Variants in PCNX1 observed in about 807,000 individuals in gnomAD.
PCNX1 encodes pecanex-like protein 1.
Under a neutral mutation model 242.2 loss-of-function variants are expected in PCNX1, and 78 were observed. The ratio of observed to expected loss-of-function variants is 0.32; its 90% confidence interval spans 0.27 to 0.39. PCNX1 has a LOEUF of 0.39. PCNX1 is among the 10% of genes least tolerant of loss of function. The pLI is 1.00. For missense variants in PCNX1, 2,581 were observed against 2,856.5 expected (o/e 0.90, Z 2.20); for synonymous variants, 1,024 against 1,032.9 (o/e 0.99, Z 0.17).
chr14:71,017,016 G>A (rs755424189), intron 11 of PCNX1, among the ~76,000 whole-genome samples: 2 of 152,048 alleles, frequency 1.3e-5, no homozygotes, highest in Admixed American at 6.6e-5. Flanking sequence ...GAGGAAAGAC[G>A]TAGATTACCA....
intron 13 of PCNX1, among the ~76,000 whole-genome samples, chr14:71,025,793 C>G (rs1023951963): frequency 1.3e-5 from 2 of 150,428 alleles, no homozygotes; most frequent in East Asian, 2.0e-4. Context: ...CACTTGAGCT[C>G]AGGAGGCTGA....
At chr14:71,029,371 C>T (rs750765063) in intron 16 of PCNX1, among the ~76,000 whole-genome samples, 4 of 151,980 alleles carry the variant, frequency 2.6e-5, no homozygotes, top group Non-Finnish European at 4.4e-5. Flanking sequence ...TTTTGTTTGG[C>T]GACTAGTGCA....
rs558814775 is a variant in PCNX1 at position 71,021,718 on chromosome 14, T to G, written c.3151-1482T>G. 2.0e-3 allele frequency among the ~76,000 whole-genome samples: 303 copies of G among 152,010 alleles called. 3 individuals carry two copies. Among genetic ancestry groups the G allele is most frequent in the Middle Eastern group, 6.8e-3 (2 of 294 alleles). On this transcript the variant is annotated intron_variant, in intron 12 of 35. Coordinates refer to ENST00000304743, the MANE Select transcript of PCNX1 (RefSeq NM_014982.3). ...TCCATGCTTTATGAATGCTACATCATTTAATACCTATGTATACTCTTCCAT... is the reference window on the plus strand; with the variant it reads ...TCCATGCTTTATGAATGCTACATCAGTTAATACCTATGTATACTCTTCCAT...
At chr14:70,910,048 C>G (rs1566808232) in intron 1 of PCNX1, among the ~76,000 whole-genome samples, 17 of 98,608 alleles carry the variant, frequency 1.7e-4, no homozygotes, top group South Asian at 1.0e-3. Flanking sequence ...CCTCCTCCTC[C>G]TCCTCCTCCT....
rs1049597726 is a variant in PCNX1 at position 70,940,054 on chromosome 14, G to A, written c.154-6861G>A. ...ATGAGATGGGTCTCCTGAATGCAGCGCACACTGATGGGTCTTGACTCTTTA... is the reference window on the plus strand; with the variant it reads ...ATGAGATGGGTCTCCTGAATGCAGCACACACTGATGGGTCTTGACTCTTTA... On this transcript the variant is annotated intron_variant, in intron 1 of 35. Transcript: ENST00000304743. Among the ~76,000 whole-genome samples the A allele has an allele frequency of 3.5e-4, 53 of 152,020 alleles. 1 individual carries two copies. Among genetic ancestry groups the A allele is most frequent in the Middle Eastern group, 3.2e-3 (1 of 316 alleles).
intron 26 of PCNX1, among the ~76,000 whole-genome samples, chr14:71,066,151 A>C (rs1308115591): frequency 6.6e-6 from 1 of 152,234 alleles, no homozygotes; most frequent in African/African-American, 2.4e-5. Flanking sequence ...TCTGTGAAGA[A>C]AGTCAGTGGC....
intron 1 of PCNX1, among the ~76,000 whole-genome samples, chr14:70,908,798 GGA>G (rs1002811411): frequency 6.6e-6 from 1 of 152,200 alleles, no homozygotes; most frequent in Non-Finnish European, 1.5e-5. Context: ...ATAGGAGTAG[GGA>G]GAGAGAGTAC....
intron 16 of PCNX1, among the ~76,000 whole-genome samples, chr14:71,032,919 C>T (rs1158494411): frequency 6.6e-6 from 1 of 152,210 alleles, no homozygotes; most frequent in East Asian, 1.9e-4. Flanking sequence ...TACTGAATGC[C>T]TGCTCAGTGC....
At chr14:70,955,378 T>G (rs2057953084) in intron 2 of PCNX1, among the ~76,000 whole-genome samples, 1 of 152,234 alleles carries the variant, frequency 6.6e-6, no homozygotes, top group Admixed American at 6.5e-5. Context: ...TTTATCCTTA[T>G]TCTTATGAGC....
Position 71,113,007 on chromosome 14 carries a change from C to A in PCNX1, c.*3072C>A, listed in dbSNP as rs1017694229. ...CAACTTATACCTTGGTGTGAACTCTCTTTTTACACCATTTTCAACACTGGA... is the reference window on the plus strand; with the variant it reads ...CAACTTATACCTTGGTGTGAACTCTATTTTTACACCATTTTCAACACTGGA... On this transcript the variant is annotated 3_prime_UTR_variant, in exon 36 of 36. Transcript: ENST00000304743. The A allele has an allele frequency of 2.4e-4, 36 of 152,128 alleles. No homozygotes were observed. Among genetic ancestry groups the A allele is most frequent in the African/African-American group, 8.2e-4 (34 of 41,428 alleles). 9.4% of individuals were successfully genotyped at this position (152,128 alleles called of 1,614,324 possible). A position where few individuals can be genotyped will look rare whatever the true frequency, so the allele number is the denominator to read the frequency against.
intron 1 of PCNX1, among the ~76,000 whole-genome samples, chr14:70,936,657 T>A (rs2057017694): frequency 6.6e-6 from 1 of 152,254 alleles, no homozygotes; most frequent in South Asian, 2.1e-4. Context: ...AGTAATGGGA[T>A]GGCTGGGTCA....
intron 19 of PCNX1, among the ~76,000 whole-genome samples, chr14:71,039,014 T>C (rs889435166): frequency 3.3e-5 from 5 of 151,488 alleles, no homozygotes; most frequent in Non-Finnish European, 5.9e-5. Context: ...TAGGTGGGAA[T>C]TGAACAATGA....
chr14:70,990,480 G>C (rs1349475491), intron 7 of PCNX1, among the ~76,000 whole-genome samples: 2 of 151,754 alleles, frequency 1.3e-5, no homozygotes, highest in Admixed American at 1.3e-4. Flanking sequence ...CAGGAGAATT[G>C]CCTGAACCCA....
intron 28 of PCNX1, among the ~76,000 whole-genome samples, chr14:71,081,235 G>T (rs573485769): frequency 6.6e-6 from 1 of 152,158 alleles, no homozygotes; most frequent in Admixed American, 6.5e-5. Context: ...GATTATGGTG[G>T]ATAAGCTTTT....
Position 71,113,083 on chromosome 14 carries a change from T to C in PCNX1, c.*3148T>C, listed in dbSNP as rs2141942354. The C allele has an allele frequency of 6.6e-6, 1 of 152,318 alleles. No homozygotes were observed. The highest frequency in any genetic ancestry group is 2.4e-5 in the African/African-American group (1 of 41,590). The allele number at this position is 152,318 out of a possible 1,614,324, so 9.4% of individuals were successfully genotyped here. On this transcript the variant is annotated 3_prime_UTR_variant, in exon 36 of 36. Coordinates refer to ENST00000304743, the MANE Select transcript of PCNX1 (RefSeq NM_014982.3). ...TAAAGAACTTTAATTTTTCCAAGAATCTAGATTAACATAAGATGTTGATAT... is the reference window on the plus strand; with the variant it reads ...TAAAGAACTTTAATTTTTCCAAGAACCTAGATTAACATAAGATGTTGATAT...
chr14:71,007,068 T>C (rs1172028382), intron 8 of PCNX1, among the ~76,000 whole-genome samples: 13 of 152,170 alleles, frequency 8.5e-5, no homozygotes, highest in Admixed American at 6.5e-4. Flanking sequence ...TTTAGACATA[T>C]TTATGCTTCT....
chr14:70,995,119 TTA>T (rs951424866), intron 7 of PCNX1, among the ~76,000 whole-genome samples: 1 of 152,152 alleles, frequency 6.6e-6, no homozygotes, highest in Admixed American at 6.5e-5. Context: ...AGATAACACT[TTA>T]TATTAAGTCT....
chr14:71,044,099 A>G lies in PCNX1; in HGVS notation c.3868-1034A>G, dbSNP rs150118333. Among the ~76,000 whole-genome samples, 864 of 152,202 alleles carry G rather than the reference A, an allele frequency of 5.7e-3. 8 individuals are homozygous for G. Among genetic ancestry groups the G allele is most frequent in the African/African-American group, 0.02 (818 of 41,524 alleles). On this transcript the variant is annotated intron_variant, in intron 19 of 35. Coordinates refer to ENST00000304743, the MANE Select transcript of PCNX1 (RefSeq NM_014982.3). ...GATTTCTTTGACTGTAATTAGTGATAGTGATGTCTGTGAATTCCTTAGTGA... is the reference window on the plus strand; with the variant it reads ...GATTTCTTTGACTGTAATTAGTGATGGTGATGTCTGTGAATTCCTTAGTGA...
intron 22 of PCNX1, among the ~76,000 whole-genome samples, chr14:71,048,647 T>G (rs1431128007): frequency 6.6e-6 from 1 of 152,214 alleles, no homozygotes; most frequent in Non-Finnish European, 1.5e-5. Flanking sequence ...TTGACATACA[T>G]TATCCCATTT....
Sources: gnomAD v4.1 joint callset for allele counts (sites outside exome capture counted in the v4.1 genomes callset) on GRCh38, gnomAD v4.1.1 for gene constraint, MANE v1.5 for transcripts, NCBI Gene and HGNC (gene_info 2026-07-23, HGNC 2026-07-21) for gene names.